PAK5: variants seen among roughly 807,000 people sequenced by gnomAD.
PAK5 encodes p21 (RAC1) activated kinase 5, also known as serine/threonine-protein kinase PAK 5.
Under a neutral mutation model 65.9 loss-of-function variants are expected in PAK5, and 16 were observed. The ratio of observed to expected loss-of-function variants is 0.24; its 90% CI spans 0.16 to 0.37. The LOEUF is 0.37. Ranked by LOEUF, PAK5 falls within the 10% of genes least tolerant of loss-of-function variation. PAK5 has a pLI of 1.00. For synonymous variants in PAK5, 371 were observed against 354.9 expected (o/e 1.05, Z -0.51); for missense variants, 785 against 903.9 (o/e 0.87, Z 1.69).
intron 1 of PAK5, among the ~76,000 whole-genome samples, chr20:9,780,393 C>A (rs1182954801): frequency 6.6e-6 from 1 of 151,998 alleles, no homozygotes; most frequent in African/African-American, 2.4e-5. Flanking sequence ...TTTATTCATT[C>A]TTTTACTAAC....
At chr20:9,757,520 T>C (rs182731471) in intron 1 of PAK5, among the ~76,000 whole-genome samples, 2 of 152,312 alleles carry the variant, frequency 1.3e-5, no homozygotes, top group East Asian at 1.9e-4. Context: ...CTCTGTTCTC[T>C]TCTTCGATTT....
chr20:9,775,202 G>A (rs2048875229), intron 1 of PAK5, among the ~76,000 whole-genome samples: 1 of 152,056 alleles, frequency 6.6e-6, no homozygotes, highest in Admixed American at 6.6e-5. Flanking sequence ...TTATATATGT[G>A]TCATAGGGCT....
intron 2 of PAK5, among the ~76,000 whole-genome samples, chr20:9,698,673 A>T (rs566348659): frequency 1.1e-4 from 16 of 152,274 alleles, no homozygotes; most frequent in Non-Finnish European, 1.9e-4. Flanking sequence ...CAAAGCATGG[A>T]TTTCACTTTG....
intron 2 of PAK5, among the ~76,000 whole-genome samples, chr20:9,666,174 G>A (rs1258547126): frequency 2.6e-5 from 4 of 152,032 alleles, no homozygotes; most frequent in Admixed American, 6.6e-5. Context: ...GAAAGAATCC[G>A]ATATAACTTT....
At chr20:9,709,574 A>G (rs964205255) in intron 2 of PAK5, among the ~76,000 whole-genome samples, 2 of 152,150 alleles carry the variant, frequency 1.3e-5, no homozygotes, top group African/African-American at 4.8e-5. Flanking sequence ...GTAGAGTCTC[A>G]TGTGACTTTT....
intron 1 of PAK5, among the ~76,000 whole-genome samples, chr20:9,814,961 G>C (rs1024898353): frequency 2.0e-5 from 3 of 152,152 alleles, no homozygotes; most frequent in Non-Finnish European, 4.4e-5. Context: ...CATAGCACCT[G>C]CACCTGCTTC....
intron 4 of PAK5, among the ~76,000 whole-genome samples, chr20:9,572,738 A>T (rs941979346): frequency 6.6e-6 from 1 of 152,254 alleles, no homozygotes; most frequent in Non-Finnish European, 1.5e-5. Context: ...ACCTTACAGC[A>T]AGGGCACGGA....
chr20:9,603,862 C>T (rs533422063), intron 3 of PAK5, among the ~76,000 whole-genome samples: 3 of 152,262 alleles, frequency 2.0e-5, no homozygotes, highest in African/African-American at 4.8e-5. Context: ...TGCCTCTGAA[C>T]CCAGGCCGTC....
In PAK5 at chr20:9,638,910, A is replaced by T. The variant is rs2047015418; in HGVS notation, c.204+5215T>A. On this transcript the variant is annotated intron_variant, in intron 3 of 9. Coordinates refer to ENST00000353224, the MANE Select transcript of PAK5 (RefSeq NM_177990.4). ...TTTTCCACAACATCAGGGGCGACAC[A>T]CTTCCTCCGTTGACTGTTTTTATGT... 2.6e-5 allele frequency among the ~76,000 whole-genome samples: 4 copies of T among 152,172 alleles called. No individual in the cohort carries two copies. The South Asian group carries it at 8.3e-4, about 32-fold the overall frequency.
chr20:9,833,144 G>A (rs1431066269), intron 1 of PAK5, among the ~76,000 whole-genome samples: 3 of 152,016 alleles, frequency 2.0e-5, no homozygotes. Flanking sequence ...TCATTTGGAG[G>A]GTCATGTAAA....
intron 1 of PAK5, among the ~76,000 whole-genome samples, chr20:9,727,000 T>C (rs1714985822): frequency 1.3e-5 from 2 of 152,156 alleles, no homozygotes; most frequent in South Asian, 4.1e-4. Context: ...AATTTTTAAA[T>C]CTAGTGCAGT....
At chr20:9,658,752 A>T (rs2047304206) in intron 2 of PAK5, among the ~76,000 whole-genome samples, 1 of 152,226 alleles carries the variant, frequency 6.6e-6, no homozygotes, top group Non-Finnish European at 1.5e-5. Flanking sequence ...ATACTGTCAC[A>T]TAGCTAATTT....
intron 1 of PAK5, among the ~76,000 whole-genome samples, chr20:9,758,882 A>C (rs2048665826): frequency 6.6e-6 from 1 of 152,090 alleles, no homozygotes; most frequent in African/African-American, 2.4e-5. Flanking sequence ...GGCCATGTCT[A>C]AGGAAAAGAA....
intron 1 of PAK5, among the ~76,000 whole-genome samples, chr20:9,777,126 G>A (rs1314586898): frequency 6.6e-6 from 1 of 152,118 alleles, no homozygotes; most frequent in Non-Finnish European, 1.5e-5. Flanking sequence ...AGGAGGCTAG[G>A]CTGAGATGGG....
At chr20:9,620,231 A>G (rs2046744550) in intron 3 of PAK5, among the ~76,000 whole-genome samples, 1 of 152,228 alleles carries the variant, frequency 6.6e-6, no homozygotes, top group African/African-American at 2.4e-5. Flanking sequence ...AAACATTCCT[A>G]GAAGGAAGGA....
chr20:9,759,496 T>C (rs1306261391), intron 1 of PAK5, among the ~76,000 whole-genome samples: 1 of 152,142 alleles, frequency 6.6e-6, no homozygotes, highest in African/African-American at 2.4e-5. Flanking sequence ...AGGGAGAGAT[T>C]GTTAAAACAC....
intron 8 of PAK5, among the ~76,000 whole-genome samples, chr20:9,543,481 C>CT (rs1232643820): frequency 1.3e-5 from 2 of 151,996 alleles, no homozygotes; most frequent in Non-Finnish European, 2.9e-5. Context: ...TGACCTTCAC[C>CT]GAGAATTTCT....
rs2047105751 is a variant in PAK5, at chr20:9,644,332, G to A, written c.-4C>T. 2 of 1,605,970 alleles carry A rather than the reference G, an allele frequency of 1.2e-6. No individual in the cohort carries two copies. Among genetic ancestry groups the A allele is most frequent in the East Asian group, 2.2e-5 (1 of 44,692 alleles). On this transcript the variant is annotated 5_prime_UTR_variant, in exon 3 of 10. Transcript: ENST00000353224. ...TTTTCTTTTTCTTCCCAAACATGATGCCAAAACCTGGGAAATATAAATGGA... is the reference window on the plus strand; with the variant it reads ...TTTTCTTTTTCTTCCCAAACATGATACCAAAACCTGGGAAATATAAATGGA...
At chr20:9,821,207 C>A (rs1341887756) in intron 1 of PAK5, among the ~76,000 whole-genome samples, 2 of 152,012 alleles carry the variant, frequency 1.3e-5, no homozygotes, top group African/African-American at 4.8e-5. Context: ...ATGGTGAAAC[C>A]CCATCTCTAC....
Sources: allele counts gnomAD v4.1 joint callset (sites outside exome capture counted in the v4.1 genomes callset), GRCh38; gene constraint gnomAD v4.1.1; transcripts MANE v1.5; gene names NCBI Gene and HGNC (gene_info 2026-07-23, HGNC 2026-07-21).